The following TRAK2 variants were observed in gnomAD, a reference collection of about 807,000 sequenced individuals.
TRAK2 encodes trafficking kinesin-binding protein 2.
In TRAK2, 81 loss-of-function variants were observed where a neutral mutation model predicts 104.6. The ratio of observed to expected loss-of-function variants is 0.77; its 90% CI spans 0.65 to 0.93. TRAK2 has a LOEUF of 0.93. TRAK2 is among the 40% of genes least tolerant of loss of function. TRAK2 has a pLI of 0.00. For missense variants in TRAK2, 1,002 were observed against 1,089.0 expected, an observed-to-expected ratio of 0.92 and a Z score of 1.12; for synonymous variants, 406 against 394.4, an observed-to-expected ratio of 1.03 and a Z score of -0.35.
At position 201,380,658 on chromosome 2, in the gene TRAK2, C is replaced by T. The variant is rs753270142; in HGVS notation, c.2630G>A (p.Gly877Asp). ...CCTTAGTCCACCTAATAAACTGCTA[C>T]CTGAATTTAAATAAACAGCAGAATC... ...KPDSAVYLNS[G>D]SSLLGGLRRN... Residue 877 changes from glycine to aspartate, a missense_variant, in exon 16 of 16, where the codon GGT becomes GAT. Transcript: ENST00000332624. The T allele has an allele frequency of 9.9e-6, 16 of 1,614,050 alleles. No individual in the cohort carries two copies. Among genetic ancestry groups the T allele is most frequent in the Non-Finnish European group, 1.3e-5 (15 of 1,179,962 alleles).
chr2:201,398,187 C>CT lies in TRAK2; in HGVS notation c.647dup (p.Leu217AlafsTer26). The CT allele has an allele frequency of 6.2e-7, 1 of 1,613,724 alleles. No homozygotes were observed. The highest frequency in any genetic ancestry group is 8.5e-7 in the Non-Finnish European group (1 of 1,179,694). On this transcript the variant is annotated frameshift_variant, in exon 6 of 16. Transcript: ENST00000332624. LOFTEE classifies it high-confidence loss of function. ...TATTCTCTTCTTCCAGTTCCTTGAG[C>CT]TTTTCTTGCAGCATTTCCAACTGCA...
intron 1 of TRAK2, among the ~76,000 whole-genome samples, chr2:201,429,765 A>C (rs755866075): frequency 2.0e-5 from 3 of 152,172 alleles, no homozygotes; most frequent in Non-Finnish European, 2.9e-5. Flanking sequence ...CCATTTGTCT[A>C]ATCTTTTTTC....
At chr2:201,400,937 A>G in intron 4 of TRAK2, 81 bp downstream of exon 4, 1 of 1,109,118 alleles carries the variant, frequency 9.0e-7, no homozygotes. Flanking sequence ...AACATTTTCC[A>G]TTTGATGTGC....
chr2:201,420,666 G>A lies in TRAK2; in HGVS notation c.-159C>T. 1.2e-5 allele frequency: 7 copies of A among 608,416 alleles called. No individual in the cohort carries two copies. Among genetic ancestry groups the A allele is most frequent in the Admixed American group, 5.5e-5 (2 of 36,286 alleles). The allele number at this position is 608,416 out of a possible 1,614,324, so 37.7% of individuals were successfully genotyped here. A position where few individuals can be genotyped will look rare whatever the true frequency, so the allele number is the denominator to read the frequency against. ...TGAGTCAAATGACATCCGTAGCAACGAGCACTCTCATGTGATTATCATACT... is the reference window on the plus strand; with the variant it reads ...TGAGTCAAATGACATCCGTAGCAACAAGCACTCTCATGTGATTATCATACT... On this transcript the variant is annotated 5_prime_UTR_variant, in exon 2 of 16. Coordinates refer to ENST00000332624, the MANE Select transcript of TRAK2 (RefSeq NM_015049.3).
intron 1 of TRAK2, among the ~76,000 whole-genome samples, chr2:201,431,505 G>A (rs943295421): frequency 1.3e-5 from 2 of 152,228 alleles, no homozygotes; most frequent in East Asian, 1.9e-4. Flanking sequence ...TGCCAGCTGC[G>A]TAGCATCTTC....
chr2:201,403,090 T>G (rs1951563374), intron 3 of TRAK2, among the ~76,000 whole-genome samples: 1 of 151,578 alleles, frequency 6.6e-6, no homozygotes, highest in African/African-American at 2.4e-5. Flanking sequence ...AAAACAACTG[T>G]GAACCACAAG....
intron 1 of TRAK2, among the ~76,000 whole-genome samples, chr2:201,450,063 T>C (rs148920670): frequency 3.9e-4 from 60 of 152,278 alleles, no homozygotes; most frequent in Middle Eastern, 3.4e-3. Flanking sequence ...AACACTGTCT[T>C]TCACATGGTA....
At chr2:201,392,840 C>T in intron 10 of TRAK2, 69 bp downstream of exon 10, 2 of 1,472,910 alleles carry the variant, frequency 1.4e-6, no homozygotes, top group Non-Finnish European at 1.8e-6. Context: ...CATAAACCAT[C>T]AAACTTTTAG....
intron 1 of TRAK2, among the ~76,000 whole-genome samples, chr2:201,425,419 G>C (rs1031273557): frequency 6.6e-6 from 1 of 151,934 alleles, no homozygotes; most frequent in Non-Finnish European, 1.5e-5. Flanking sequence ...TTTATTTTTT[G>C]AGATGGAGTT....
At chr2:201,442,304 T>C (rs1187964532) in intron 1 of TRAK2, among the ~76,000 whole-genome samples, 1 of 150,310 alleles carries the variant, frequency 6.7e-6, no homozygotes, top group Non-Finnish European at 1.5e-5. Flanking sequence ...GGCAGGAGAA[T>C]GGCGTGAACC....
chr2:201,418,327 A>G (rs1439801233), intron 2 of TRAK2, among the ~76,000 whole-genome samples: 2 of 152,106 alleles, frequency 1.3e-5, no homozygotes, highest in African/African-American at 4.8e-5. Flanking sequence ...CTACAGGTGC[A>G]TGCCACCACG....
intron 3 of TRAK2, among the ~76,000 whole-genome samples, chr2:201,402,546 T>C (rs1259616716): frequency 6.6e-6 from 1 of 152,100 alleles, no homozygotes; most frequent in Non-Finnish European, 1.5e-5. Context: ...TATTTACAAA[T>C]AGAGAAACTA....
chr2:201,411,039 G>A (rs559067126), intron 2 of TRAK2: 1 of 1,296,898 alleles, frequency 7.7e-7, no homozygotes, highest in African/African-American at 1.5e-5. Context: ...ATTTCTCTTT[G>A]TATTATCAAC....
chr2:201,447,088 C>T lies in TRAK2; in HGVS notation c.-200+4262G>A, dbSNP rs997325271. The stretch of plus-strand genomic sequence containing the variant: ...CTAGCTACCTTGGTTACCTTGTCTC[C>T]GGTCTTATTACCTTTCATTTATCCT... On this transcript the variant is annotated intron_variant, in intron 1 of 15. Transcript: ENST00000332624. The surrounding 1 kb of genome is among the most constrained non-coding windows in gnomAD (Gnocchi z 4.1). Among the ~76,000 whole-genome samples the T allele has an allele frequency of 1.3e-5, 2 of 152,196 alleles. No individual in the cohort carries two copies. The highest frequency in any genetic ancestry group is 2.4e-5 in the African/African-American group (1 of 41,448).
At chr2:201,429,770 T>G (rs1255131816) in intron 1 of TRAK2, among the ~76,000 whole-genome samples, 1 of 152,228 alleles carries the variant, frequency 6.6e-6, no homozygotes, top group Admixed American at 6.5e-5. Context: ...TGTCTAATCT[T>G]TTTTCAAGGT....
rs1175085006 is a variant in TRAK2, at chr2:201,378,671, C to T, written c.*1872G>A. 1 of 152,064 alleles carries T rather than the reference C, an allele frequency of 6.6e-6. No homozygotes were observed. Among genetic ancestry groups the T allele is most frequent in the Non-Finnish European group, 1.5e-5 (1 of 68,028 alleles). The allele number at this position is 152,064 out of a possible 1,614,324, so 9.4% of individuals were successfully genotyped here. A position where few individuals can be genotyped will look rare whatever the true frequency, so the allele number is the denominator to read the frequency against. ...AGGGACACTTATATTCACATATAAA[C>T]CTGCTGGAATCCTTTCTGAAACTCT... is the stretch of plus-strand genomic sequence containing the variant. On this transcript the variant is annotated 3_prime_UTR_variant, in exon 16 of 16. Transcript: ENST00000332624.
intron 2 of TRAK2, among the ~76,000 whole-genome samples, chr2:201,409,759 T>C (rs560612512): frequency 2.6e-5 from 4 of 152,328 alleles, no homozygotes; most frequent in East Asian, 1.9e-4. Context: ...TCATCTTAAA[T>C]GCAAGCAAAT....
At chr2:201,428,780 T>C (rs995188452) in intron 1 of TRAK2, among the ~76,000 whole-genome samples, 37 of 152,260 alleles carry the variant, frequency 2.4e-4, no homozygotes, top group African/African-American at 8.9e-4. Context: ...TTTCACGATG[T>C]TGATTTTTCC....
intron 15 of TRAK2, 105 bp from the exon 16 acceptor site, chr2:201,381,323 G>A: frequency 4.7e-6 from 5 of 1,070,106 alleles, no homozygotes. Flanking sequence ...TAAATATAAA[G>A]TAACAGGCAA....
Sources: allele counts gnomAD v4.1 joint callset (sites outside exome capture counted in the v4.1 genomes callset), GRCh38; gene constraint gnomAD v4.1.1; non-coding constraint Gnocchi (gnomAD v3.1); transcripts MANE v1.5; gene names NCBI Gene and HGNC (gene_info 2026-07-23, HGNC 2026-07-21).